The following ZMYM6 variants were observed in gnomAD, a reference collection of about 807,000 sequenced individuals.
ZMYM6 encodes the protein zinc finger MYM-type containing 6.
Under a neutral mutation model 134.0 loss-of-function variants are expected in ZMYM6, and 90 were observed. The ratio of observed to expected loss-of-function variants is 0.67; its 90% confidence interval spans 0.57 to 0.80. ZMYM6 has a LOEUF of 0.80. ZMYM6 is among the 30% of genes least tolerant of loss of function. The pLI is 0.00. For synonymous variants in ZMYM6, 481 were observed against 524.1 expected, an observed-to-expected ratio of 0.92 and a Z score of 1.12; for missense variants, 1,362 against 1,533.9, an observed-to-expected ratio of 0.89 and a Z score of 1.87.
At chr1:35,023,298 G>C (rs1641345817) in intron 2 of ZMYM6, among the ~76,000 whole-genome samples, 1 of 151,884 alleles carries the variant, frequency 6.6e-6, no homozygotes, top group Admixed American at 6.6e-5. Context: ...GTAGAGACGG[G>C]GTTTCTCCAT....
At chr1:35,011,664 T>G (rs1557576234) in intron 8 of ZMYM6, among the ~76,000 whole-genome samples, 1 of 152,172 alleles carries the variant, frequency 6.6e-6, no homozygotes, top group Non-Finnish European at 1.5e-5. Context: ...TGGGAGGGAA[T>G]GACAGTTTAG....
In ZMYM6 at chr1:35,005,392, C is replaced by T. The variant is rs1640947713; in HGVS notation, c.1814-120G>A. ...GGTTTTCAAGAAGCAATATAAATATCTGATTCTGTATCATGTTAGGTTGGG... is the reference window on the plus strand; with the variant it reads ...GGTTTTCAAGAAGCAATATAAATATTTGATTCTGTATCATGTTAGGTTGGG... On this transcript the variant is annotated intron_variant, in intron 12 of 15. Coordinates refer to ENST00000357182, the MANE Select transcript of ZMYM6 (RefSeq NM_007167.4). 5 of 1,064,456 alleles carry T rather than the reference C, an allele frequency of 4.7e-6. No individual in the cohort carries two copies. The African/African-American group carries it at 6.4e-5, about 14-fold the overall frequency. The allele number at this position is 1,064,456 out of a possible 1,614,324, so 65.9% of individuals were successfully genotyped here. A position where few individuals can be genotyped will look rare whatever the true frequency, so the allele number is the denominator to read the frequency against.
rs757477619 is a variant in ZMYM6, at chr1:34,988,351, G to A, written c.2731C>T (p.Gln911Ter). The change falls in exon 16 of 16, where the codon CAG becomes TAG. Residue 911 changes from glutamine to a stop codon, truncating the protein, a stop_gained. Coordinates refer to ENST00000357182, the MANE Select transcript of ZMYM6 (RefSeq NM_007167.4). LOFTEE classifies it high-confidence loss of function. Reference sequence around the variant, plus strand: ...GAGATTTCTGATGACTCATCTATCTGAAGGGCAAACCACTTTGACTCTCTG... The same window carrying A: ...GAGATTTCTGATGACTCATCTATCTAAAGGGCAAACCACTTTGACTCTCTG... Reference protein sequence around the residue: ...KVRESKWFALQIDESSEISNI... With the variant: ...KVRESKWFAL 49 of 1,551,476 alleles carry A rather than the reference G, an allele frequency of 3.2e-5. No individual in the cohort carries two copies. The highest frequency in any genetic ancestry group is 3.7e-5 in the Non-Finnish European group (43 of 1,146,952).
chr1:35,002,176 T>C (rs1161748643), intron 14 of ZMYM6, among the ~76,000 whole-genome samples: 1 of 152,350 alleles, frequency 6.6e-6, no homozygotes, highest in South Asian at 2.1e-4. Flanking sequence ...TATTAATCCA[T>C]GGGGGACAAC....
chr1:34,991,982 A>T, intron 15 of ZMYM6: 1 of 480,818 alleles, frequency 2.1e-6, no homozygotes, highest in Non-Finnish European at 3.7e-6. Context: ...TTTAAAAAAA[A>T]AAACAGGTTA....
chr1:34,999,997 C>G (rs572023364), intron 14 of ZMYM6, among the ~76,000 whole-genome samples: 1 of 152,146 alleles, frequency 6.6e-6, no homozygotes, highest in African/African-American at 2.4e-5. Flanking sequence ...GGTGTGATCT[C>G]AGCTCACCGC....
chr1:35,007,096 C>T lies in ZMYM6; in HGVS notation c.1668G>A (p.Met556Ile), dbSNP rs373111034. 2 of 1,588,602 alleles carry T rather than the reference C, an allele frequency of 1.3e-6. No homozygotes were observed. The highest frequency in any genetic ancestry group is 1.7e-6 in the Non-Finnish European group (2 of 1,170,198). The change falls in exon 12 of 16, where the codon ATG becomes ATA. Residue 556 changes from methionine to isoleucine, a missense_variant and splice_region_variant. Met to Ile is a conservative substitution (Grantham distance 10). Coordinates refer to ENST00000357182, the MANE Select transcript of ZMYM6 (RefSeq NM_007167.4). ...GTCGTTTACAACCATCACACTTGGCCATCTGAAAAAGAAATGTTAGACAAG... is the reference window on the plus strand; with the variant it reads ...GTCGTTTACAACCATCACACTTGGCTATCTGAAAAAGAAATGTTAGACAAG... ...MSKFTVLFYQ[M>I]AKCDGCKRQG...
chr1:35,031,287 G>T (rs1557594408), intron 1 of ZMYM6: 1 of 152,240 alleles, frequency 6.6e-6, no homozygotes, highest in Non-Finnish European at 1.5e-5. Context: ...GTCTCCGTGT[G>T]AGGGGTGGGG....
intron 7 of ZMYM6, 22 bp from the exon 8 acceptor site, chr1:35,012,027 A>C: frequency 2.7e-6 from 4 of 1,476,210 alleles, no homozygotes; most frequent in Non-Finnish European, 3.7e-6. Flanking sequence ...AAAATTAAAA[A>C]CAATGATTAA....
rs1640610601 is a variant in ZMYM6, at chr1:34,988,542, G to A, written c.2540C>T (p.Ser847Phe). ...FQTAASKKPFSIAEELIKPYL... is the reference protein window; with the variant it reads ...FQTAASKKPFFIAEELIKPYL... Reference sequence around the variant, plus strand: ...TGGTTTAATTAATTCTTCAGCAATGGAGAATGGCTTCTTGCTTGCAGCAGT... The same window carrying A: ...TGGTTTAATTAATTCTTCAGCAATGAAGAATGGCTTCTTGCTTGCAGCAGT... The change falls in exon 16 of 16, where the codon TCC (serine) becomes TTC (phenylalanine). Residue 847 changes from serine to phenylalanine, a missense_variant. By Grantham distance (155) the Ser-to-Phe change is radical (BLOSUM62 -2). This residue lies in a region of ZMYM6 where 824 missense variants were observed against 940.9 expected (regional missense o/e 0.88). Transcript: ENST00000357182. 6.4e-7 allele frequency: 1 copy of A among 1,551,180 alleles called. No individual in the cohort carries two copies. The highest frequency in any genetic ancestry group is 8.7e-7 in the Non-Finnish European group (1 of 1,146,886).
chr1:34,995,756 A>G (rs1004891207), intron 14 of ZMYM6, among the ~76,000 whole-genome samples: 1 of 152,224 alleles, frequency 6.6e-6, no homozygotes, highest in Admixed American at 6.5e-5. Context: ...TTTCCATTTA[A>G]TATTTTCAAG....
Position 34,987,525 on chromosome 1 carries a change from A to G in ZMYM6, c.3557T>C (p.Ile1186Thr), listed in dbSNP as rs1409206317. Residue 1186 changes from isoleucine (I) to threonine (T), a missense_variant, in exon 16 of 16, where the codon ATT becomes ACT. By Grantham distance (89) the Ile-to-Thr change is moderately conservative (BLOSUM62 -1). Around this residue, in one of 3 missense-constraint regions of ZMYM6, gnomAD observed 824 missense variants for 940.9 expected, o/e 0.88. Transcript: ENST00000357182. ...AAGTCCTTCCAGGTGCTCAAAAATA[A>G]TCCTTGTGATGTCTGTCATATTTAA... is the stretch of plus-strand genomic sequence containing the variant. ...SGLNMTDITRIIFEHLEGLSQ... is the reference protein window; with the variant it reads ...SGLNMTDITRTIFEHLEGLSQ... 22 of 1,613,302 alleles carry G rather than the reference A, an allele frequency of 1.4e-5. No individual in the cohort carries two copies. Among genetic ancestry groups the G allele is most frequent in the Non-Finnish European group, 1.7e-5 (20 of 1,179,706 alleles).
Position 34,988,307 on chromosome 1 carries a change from C to T in ZMYM6, c.2775G>A (p.Leu925=). The T allele has an allele frequency of 6.4e-7, 1 of 1,550,962 alleles. No individual in the cohort carries two copies. Among genetic ancestry groups the T allele is most frequent in the Non-Finnish European group, 8.7e-7 (1 of 1,146,628 alleles). ...SSEISNITLL[L]CYIRFIDYDC... ...CATAATCAATGAAACGAATATAGCA[C>T]AAAAGAAGTGTGATATTTGAGATTT... Residue 925 remains leucine, a synonymous_variant, in exon 16 of 16, where the codon TTG becomes TTA. Coordinates refer to ENST00000357182, the MANE Select transcript of ZMYM6 (RefSeq NM_007167.4).
chr1:35,003,786 C>A, intron 14 of ZMYM6, 182 bp downstream of exon 14: 1 of 556,750 alleles, frequency 1.8e-6, no homozygotes, highest in East Asian at 3.4e-5. Context: ...GTAATTGCTG[C>A]CGAAATATGG....
At chr1:35,021,730 T>C (rs774696702) in intron 2 of ZMYM6, among the ~76,000 whole-genome samples, 3 of 152,222 alleles carry the variant, frequency 2.0e-5, no homozygotes, top group South Asian at 4.1e-4. Flanking sequence ...GCAGAAAAGA[T>C]ACAAGAGTGT....
At chr1:35,015,743 A>AATAT (rs35800399) in intron 4 of ZMYM6, among the ~76,000 whole-genome samples, 39 of 106,458 alleles carry the variant, frequency 3.7e-4, no homozygotes, top group African/African-American at 9.9e-4. Context: ...AAAAAAAAAA[A>AATAT]ATATATATAT....
chr1:35,030,439 G>T (rs1569806589), intron 2 of ZMYM6, 108 bp downstream of exon 2: 2 of 1,018,520 alleles, frequency 2.0e-6, no homozygotes, highest in East Asian at 2.6e-5. Flanking sequence ...TCTCAGTTTG[G>T]GTTATTTTAA....
chr1:35,005,372 T>C, intron 12 of ZMYM6, 100 bp from the exon 13 acceptor site: 1 of 1,255,566 alleles, frequency 8.0e-7, no homozygotes, highest in Admixed American at 2.5e-5. Flanking sequence ...AACTAGGTTT[T>C]CAAGAAGCAA....
intron 7 of ZMYM6, 47 bp from the exon 8 acceptor site, chr1:35,012,052 C>G: frequency 8.6e-7 from 1 of 1,166,780 alleles, no homozygotes; most frequent in African/African-American, 1.6e-5. Flanking sequence ...TACCAATGAA[C>G]AAACAATACA....
Sources: gnomAD v4.1 joint callset for allele counts (sites outside exome capture counted in the v4.1 genomes callset) on GRCh38, gnomAD v4.1.1 for gene constraint, gnomAD v4.1.1 regional missense constraint, MANE v1.5 for transcripts, NCBI Gene and HGNC (gene_info 2026-07-23, HGNC 2026-07-21) for gene names.